MMP26: variants seen among roughly 807,000 people sequenced by gnomAD.
MMP26 encodes matrix metallopeptidase 26.
MMP26 carries 33 observed loss-of-function variants against 31.0 expected under a neutral mutation model. The observed-to-expected ratio is 1.06, with a 90% CI of 0.81 to 1.42. MMP26 has a LOEUF of 1.42. MMP26 is among the 40% of genes most tolerant of loss of function. The pLI, the probability that MMP26 is intolerant of heterozygous loss-of-function variation, is 0.00. For missense variants in MMP26, 347 were observed against 316.1 expected (o/e 1.10, Z -0.74); for synonymous variants, 122 against 114.9 (o/e 1.06, Z -0.40).
chr11:4,813,879 C>G (rs911904547), intron 2 of MMP26, among the ~76,000 whole-genome samples: 1 of 151,932 alleles, frequency 6.6e-6, no homozygotes, highest in Non-Finnish European at 1.5e-5. Flanking sequence ...AGTCAAGTCA[C>G]AGAGAAAACA....
intron 2 of MMP26, chr11:4,946,170 G>T: frequency 6.2e-7 from 1 of 1,612,314 alleles, no homozygotes; most frequent in East Asian, 2.2e-5. Flanking sequence ...TAAATCTTCC[G>T]TTGACACAAT....
chr11:4,911,976 A>C (rs1850998865), intron 2 of MMP26, among the ~76,000 whole-genome samples: 1 of 152,146 alleles, frequency 6.6e-6, no homozygotes, highest in Non-Finnish European at 1.5e-5. Context: ...TTCAAGCCTT[A>C]ACTAAGGCAA....
intron 2 of MMP26, among the ~76,000 whole-genome samples, chr11:4,939,187 T>C (rs1223526763): frequency 6.6e-6 from 1 of 152,168 alleles, no homozygotes; most frequent in Non-Finnish European, 1.5e-5. Context: ...GAGAGAATCA[T>C]GTTTACACTG....
At chr11:4,851,641 G>A (rs1849977041) in intron 2 of MMP26, among the ~76,000 whole-genome samples, 1 of 151,702 alleles carries the variant, frequency 6.6e-6, no homozygotes. Context: ...GTGTGTGTCT[G>A]TATATGTATG....
intron 2 of MMP26, among the ~76,000 whole-genome samples, chr11:4,898,947 G>A (rs555518102): frequency 6.6e-6 from 1 of 151,686 alleles, no homozygotes; most frequent in Non-Finnish European, 1.5e-5. Context: ...TGACAGTCAA[G>A]GCAGTAGCAA....
chr11:4,829,173 T>G (rs1849614453), intron 2 of MMP26, among the ~76,000 whole-genome samples: 1 of 152,174 alleles, frequency 6.6e-6, no homozygotes, highest in Admixed American at 6.5e-5. Flanking sequence ...ATTCTGACCT[T>G]AAGTAGGGTT....
At chr11:4,977,536 C>A (rs1846754632) in intron 2 of MMP26, among the ~76,000 whole-genome samples, 1 of 152,136 alleles carries the variant, frequency 6.6e-6, no homozygotes, top group Non-Finnish European at 1.5e-5. Flanking sequence ...TCAGCTATAA[C>A]ACTCTCACTA....
chr11:4,966,283 T>C (rs1846593743), intron 2 of MMP26, among the ~76,000 whole-genome samples: 1 of 151,926 alleles, frequency 6.6e-6, no homozygotes, highest in African/African-American at 2.4e-5. Context: ...GAGGAGTTGG[T>C]GGGTAGAAAA....
intron 2 of MMP26, among the ~76,000 whole-genome samples, chr11:4,794,587 A>G (rs1291276434): frequency 1.3e-5 from 2 of 152,068 alleles, no homozygotes; most frequent in Admixed American, 6.6e-5. Flanking sequence ...ATGCATTGCA[A>G]TCATTGTCAG....
chr11:4,894,380 T>C (rs1400913120), intron 2 of MMP26, among the ~76,000 whole-genome samples: 2 of 152,206 alleles, frequency 1.3e-5, no homozygotes, highest in African/African-American at 4.8e-5. Flanking sequence ...TATATCTTGC[T>C]TCCTATCTCA....
At chr11:4,942,263 A>G (rs1024083328) in intron 2 of MMP26, among the ~76,000 whole-genome samples, 3 of 151,766 alleles carry the variant, frequency 2.0e-5, no homozygotes, top group East Asian at 1.9e-4. Context: ...TTCTTTTTCA[A>G]TTATACTACA....
chr11:4,776,321 T>A (rs1161971545), intron 2 of MMP26, among the ~76,000 whole-genome samples: 2 of 152,176 alleles, frequency 1.3e-5, no homozygotes, highest in Non-Finnish European at 2.9e-5. Context: ...AGTAGTGAGA[T>A]TACTGGATCA....
intron 1 of MMP26, among the ~76,000 whole-genome samples, chr11:4,744,196 G>A (rs776409323): frequency 2.8e-4 from 43 of 152,098 alleles, no homozygotes; most frequent in Non-Finnish European, 4.9e-4. Flanking sequence ...CACACTGACC[G>A]TATTTCCTTG....
intron 2 of MMP26, chr11:4,944,745 C>T (rs1342074076): frequency 2.6e-5 from 4 of 151,738 alleles, no homozygotes; most frequent in Non-Finnish European, 5.9e-5. Flanking sequence ...AGCCACAAAT[C>T]CAAGGCAATA....
At chr11:4,805,566 A>G (rs931106686) in intron 2 of MMP26, among the ~76,000 whole-genome samples, 21 of 152,206 alleles carry the variant, frequency 1.4e-4, no homozygotes, top group African/African-American at 5.1e-4. Flanking sequence ...GGAATTTTTC[A>G]TGAAGTCAGC....
intron 1 of MMP26, chr11:4,709,912 C>A (rs1847836574): frequency 2.2e-6 from 1 of 456,848 alleles, no homozygotes; most frequent in Non-Finnish European, 4.4e-6. Flanking sequence ...ATGGAGTCCT[C>A]AGTACTTTTG....
chr11:4,871,157 C>T (rs1850305310), intron 2 of MMP26, among the ~76,000 whole-genome samples: 1 of 152,088 alleles, frequency 6.6e-6, no homozygotes, highest in Non-Finnish European at 1.5e-5. Flanking sequence ...TAAGAGGACA[C>T]ATTTTTGCTA....
intron 2 of MMP26, among the ~76,000 whole-genome samples, chr11:4,938,551 T>C (rs577351285): frequency 6.6e-6 from 1 of 152,182 alleles, no homozygotes. Context: ...TGGAACTTGT[T>C]AAATTATCAA....
chr11:4,732,423 C>T (rs1848184989), intron 1 of MMP26, among the ~76,000 whole-genome samples: 1 of 150,948 alleles, frequency 6.6e-6, no homozygotes, highest in Non-Finnish European at 1.5e-5. Context: ...AATTCACATA[C>T]ATACAATTCA....
Sources: allele counts gnomAD v4.1 joint callset (sites outside exome capture counted in the v4.1 genomes callset), GRCh38; gene constraint gnomAD v4.1.1; transcripts MANE v1.5; gene names NCBI Gene and HGNC (gene_info 2026-07-23, HGNC 2026-07-21).